The following RFX3 variants were observed in gnomAD, a reference collection of about 807,000 sequenced individuals.
RFX3 encodes the protein transcription factor RFX3.
RFX3 carries 14 observed loss-of-function variants against 98.6 expected under a neutral mutation model. That is an observed-to-expected ratio of 0.14 (90% CI 0.09 to 0.22). RFX3 has a LOEUF of 0.22. RFX3 is among the 10% of genes least tolerant of loss of function. The pLI is 1.00. For missense variants in RFX3, 639 were observed against 926.9 expected (o/e 0.69, Z 4.03); for synonymous variants, 383 against 328.4 (o/e 1.17, Z -1.80).
intron 1 of RFX3, among the ~76,000 whole-genome samples, chr9:3,445,090 TA>T (rs1384210686): frequency 6.6e-6 from 1 of 152,206 alleles, no homozygotes; most frequent in African/African-American, 2.4e-5. Flanking sequence ...TTGAATGGTT[TA>T]AAGTATTTGG....
intron 14 of RFX3, among the ~76,000 whole-genome samples, chr9:3,253,002 T>A (rs1020902010): frequency 1.3e-5 from 2 of 152,250 alleles, no homozygotes; most frequent in African/African-American, 4.8e-5. Flanking sequence ...TTAATTGGAA[T>A]CCTATTGTCC....
intron 1 of RFX3, among the ~76,000 whole-genome samples, chr9:3,493,086 A>G (rs1288314449): frequency 6.6e-6 from 1 of 152,172 alleles, no homozygotes; most frequent in Non-Finnish European, 1.5e-5. Context: ...TGAGGGTCCT[A>G]GCATGGTGCC....
chr9:3,476,118 T>C (rs1384824488), intron 1 of RFX3, among the ~76,000 whole-genome samples: 1 of 151,586 alleles, frequency 6.6e-6, no homozygotes, highest in African/African-American at 2.4e-5. Context: ...CGAGTATTAT[T>C]ATAATATTGG....
intron 1 of RFX3, among the ~76,000 whole-genome samples, chr9:3,479,460 T>C (rs1416508498): frequency 6.6e-6 from 1 of 152,132 alleles, no homozygotes; most frequent in Non-Finnish European, 1.5e-5. Context: ...TTATCTCTAA[T>C]AGAAACTTAT....
chr9:3,255,404 G>C (rs997298257), intron 14 of RFX3, among the ~76,000 whole-genome samples: 2 of 152,194 alleles, frequency 1.3e-5, no homozygotes, highest in African/African-American at 4.8e-5. Flanking sequence ...CTGATGTCCA[G>C]AGGATGACCA....
chr9:3,268,355 A>C (rs932078789), intron 11 of RFX3, among the ~76,000 whole-genome samples: 2 of 151,760 alleles, frequency 1.3e-5, no homozygotes, highest in African/African-American at 4.8e-5. Context: ...GTATGTACAA[A>C]ATTGTGCAGA....
intron 11 of RFX3, among the ~76,000 whole-genome samples, chr9:3,267,376 G>C (rs1402798636): frequency 6.6e-6 from 1 of 151,842 alleles, no homozygotes; most frequent in African/African-American, 2.4e-5. Context: ...ATTACGGATG[G>C]GCTTAAATTC....
chr9:3,263,739 T>C (rs536182331), intron 12 of RFX3, among the ~76,000 whole-genome samples: 2 of 152,338 alleles, frequency 1.3e-5, no homozygotes, highest in Middle Eastern at 3.4e-3. Flanking sequence ...TTTTTCTTCA[T>C]CTTGTTCTGT....
intron 4 of RFX3, 77 bp downstream of exon 4, chr9:3,330,182 T>C (rs1832425265): frequency 6.8e-7 from 1 of 1,465,170 alleles, no homozygotes; most frequent in Non-Finnish European, 9.4e-7. Flanking sequence ...TGTGTTGTTC[T>C]TTTCCCTCTA....
At chr9:3,256,121 C>G (rs1822108236) in intron 14 of RFX3, among the ~76,000 whole-genome samples, 1 of 152,156 alleles carries the variant, frequency 6.6e-6, no homozygotes, top group African/African-American at 2.4e-5. Flanking sequence ...CAACCCCAAC[C>G]ATGCCCCGCT....
At chr9:3,507,184 A>G (rs1460034718) in intron 1 of RFX3, among the ~76,000 whole-genome samples, 2 of 151,976 alleles carry the variant, frequency 1.3e-5, no homozygotes, top group African/African-American at 2.4e-5. Context: ...ACAATTTCCA[A>G]TTAGCAGAGA....
Position 3,467,331 on chromosome 9 carries a change from C to CGT in RFX3, c.-9+58414_-9+58415dup, listed in dbSNP as rs35413443. On this transcript the variant is annotated intron_variant, in intron 1 of 16. Transcript: ENST00000617270. ...ATATATATATGTGTGTGTGTATGTACGTGTGTGTGTGTGTAATTAAGTCTA... is the reference window on the plus strand; with the variant it reads ...ATATATATATGTGTGTGTGTATGTACGTGTGTGTGTGTGTGTAATTAAGTCTA... 4.9e-3 allele frequency among the ~76,000 whole-genome samples: 703 copies of CGT among 144,948 alleles called. 6 individuals carry two copies. The highest frequency in any genetic ancestry group is 0.017 in the African/African-American group (662 of 39,188).
chr9:3,296,521 C>CA, intron 5 of RFX3, among the ~76,000 whole-genome samples: 1 of 151,812 alleles, frequency 6.6e-6, no homozygotes, highest in African/African-American at 2.4e-5. Context: ...TAAACTAGTT[C>CA]AAAAAATCAG....
chr9:3,371,944 G>T (rs1234705115), intron 2 of RFX3, among the ~76,000 whole-genome samples: 2 of 152,082 alleles, frequency 1.3e-5, no homozygotes, highest in Non-Finnish European at 1.5e-5. Context: ...TAACAGAGGT[G>T]GCTATAAATT....
intron 2 of RFX3, among the ~76,000 whole-genome samples, chr9:3,390,628 A>C (rs1237606293): frequency 1.3e-5 from 2 of 152,150 alleles, no homozygotes; most frequent in African/African-American, 4.8e-5. Context: ...TCATGAGGGC[A>C]GGTCTTTTCT....
chr9:3,504,921 C>G (rs186508847), intron 1 of RFX3, among the ~76,000 whole-genome samples: 1 of 21,430 alleles, frequency 4.7e-5, no homozygotes, highest in Non-Finnish European at 8.5e-5. Context: ...TATAATATAA[C>G]ATATATTATA....
chr9:3,485,302 T>C (rs922593748), intron 1 of RFX3, among the ~76,000 whole-genome samples: 3 of 152,212 alleles, frequency 2.0e-5, no homozygotes, highest in Admixed American at 6.5e-5. Context: ...AAACTATTAC[T>C]TCTGAAGCAC....
At chr9:3,267,906 A>G (rs967133556) in intron 11 of RFX3, among the ~76,000 whole-genome samples, 1 of 151,934 alleles carries the variant, frequency 6.6e-6, no homozygotes, top group African/African-American at 2.4e-5. Context: ...AGTGTACATT[A>G]ATTATTTAAT....
chr9:3,362,570 T>C (rs190938147), intron 2 of RFX3, among the ~76,000 whole-genome samples: 32 of 152,320 alleles, frequency 2.1e-4, no homozygotes, highest in East Asian at 1.5e-3. Flanking sequence ...ATGAAACTTA[T>C]GCTTTATAGG....
Sources: gnomAD v4.1 joint callset for allele counts (sites outside exome capture counted in the v4.1 genomes callset) on GRCh38, gnomAD v4.1.1 for gene constraint, MANE v1.5 for transcripts, NCBI Gene and HGNC (gene_info 2026-07-23, HGNC 2026-07-21) for gene names.